Variants in CACNG4 observed in about 807,000 individuals in gnomAD.
The protein encoded by CACNG4 is voltage-dependent calcium channel gamma-4 subunit.
Under a neutral mutation model 22.9 loss-of-function variants are expected in CACNG4, and 8 were observed. The observed-to-expected ratio is 0.35, with a 90% confidence interval of 0.21 to 0.63. The LOEUF (loss-of-function observed/expected upper bound fraction) is 0.63. Among genes scored for constraint, CACNG4 ranks in the 30% least tolerant of loss-of-function variants. The pLI, the probability that CACNG4 is intolerant of heterozygous loss-of-function variation, is 0.72. For synonymous variants in CACNG4, 188 were observed against 191.9 expected, an observed-to-expected ratio of 0.98 and a Z score of 0.17; for missense variants, 357 against 455.4, an observed-to-expected ratio of 0.78 and a Z score of 1.97.
chr17:66,988,722 TG>T (rs1300862918), intron 1 of CACNG4, among the ~76,000 whole-genome samples: 1 of 152,018 alleles, frequency 6.6e-6, no homozygotes, highest in African/African-American at 2.4e-5. Context: ...AATTTCTTGG[TG>T]GGGGCTTCCC....
intron 1 of CACNG4, among the ~76,000 whole-genome samples, chr17:66,982,378 C>G (rs1328287559): frequency 6.6e-6 from 1 of 152,020 alleles, no homozygotes; most frequent in Admixed American, 6.5e-5. Context: ...CTCTAGCTAG[C>G]CACAGAGTGC....
chr17:66,970,868 T>G (rs903941212), intron 1 of CACNG4, among the ~76,000 whole-genome samples: 2 of 152,202 alleles, frequency 1.3e-5, no homozygotes, highest in African/African-American at 2.4e-5. Flanking sequence ...GAAGAGGCCC[T>G]TCAAAAAGTC....
chr17:66,977,016 G>GGGA (rs2035241982), intron 1 of CACNG4, among the ~76,000 whole-genome samples: 1 of 152,064 alleles, frequency 6.6e-6, no homozygotes, highest in Admixed American at 6.5e-5. Flanking sequence ...AGTATCCCTC[G>GGGA]GGGTTCCTTT....
chr17:66,998,899 G>A (rs2035390796), intron 1 of CACNG4, among the ~76,000 whole-genome samples: 1 of 152,252 alleles, frequency 6.6e-6, no homozygotes, highest in Non-Finnish European at 1.5e-5. Flanking sequence ...ATGCTCCTGA[G>A]ATGGTCCGGG....
intron 1 of CACNG4, among the ~76,000 whole-genome samples, chr17:66,971,338 A>T (rs1023524223): frequency 6.6e-6 from 1 of 150,956 alleles, no homozygotes; most frequent in East Asian, 1.9e-4. Flanking sequence ...TAGTTCAGTG[A>T]CTTTTGACCC....
intron 3 of CACNG4, among the ~76,000 whole-genome samples, chr17:67,028,396 A>G (rs908339787): frequency 5.3e-5 from 8 of 152,132 alleles, no homozygotes; most frequent in African/African-American, 1.9e-4. Context: ...TACTAAAAAT[A>G]CAAAGAATTA....
chr17:66,994,007 T>G (rs565205275), intron 1 of CACNG4, among the ~76,000 whole-genome samples: 1 of 145,830 alleles, frequency 6.9e-6, no homozygotes, highest in Admixed American at 6.7e-5. Context: ...GTTGTAACCC[T>G]CAAATATACA....
At chr17:66,978,417 C>T (rs77367603) in intron 1 of CACNG4, among the ~76,000 whole-genome samples, 473 of 152,256 alleles carry the variant, frequency 3.1e-3, no homozygotes, top group Non-Finnish European at 5.8e-3. Flanking sequence ...GAAGATGGGT[C>T]TCAGAGGAAG....
intron 1 of CACNG4, among the ~76,000 whole-genome samples, chr17:67,011,427 G>C (rs1349072979): frequency 6.6e-6 from 1 of 152,142 alleles, no homozygotes; most frequent in Non-Finnish European, 1.5e-5. Context: ...ACACGCCTCA[G>C]ACCCCTTCCC....
chr17:66,996,250 T>A (rs1243763366), intron 1 of CACNG4, among the ~76,000 whole-genome samples: 1 of 134,340 alleles, frequency 7.4e-6, no homozygotes, highest in Non-Finnish European at 1.5e-5. Context: ...GAAGGCAGAG[T>A]GGATTTTTTT....
At chr17:67,002,650 C>CTCTCTCTCTCTCTCTCTCTCT (rs1555578537) in intron 1 of CACNG4, among the ~76,000 whole-genome samples, 1 of 151,508 alleles carries the variant, frequency 6.6e-6, no homozygotes, top group South Asian at 2.1e-4. Context: ...CTCTCTCCAT[C>CTCTCTCTCTCTCTCTCTCTCT]CTCAAATAGA....
Position 66,988,361 on chromosome 17 carries a change from C to T in CACNG4, c.220+23230C>T, listed in dbSNP as rs77789323. Among the ~76,000 whole-genome samples, 1,482 of 152,268 alleles carry T rather than the reference C, an allele frequency of 9.7e-3. 14 individuals are homozygous for T. The highest frequency in any genetic ancestry group is 0.033 in the African/African-American group (1,365 of 41,546). ...TGCATGTATCTCATCTCCAAACAGC[C>T]GCCGGCAAGCAGGAGAGGAAAAGGC... On this transcript the variant is annotated intron_variant, in intron 1 of 3. Transcript: ENST00000262138.
chr17:66,993,314 T>C (rs901215470), intron 1 of CACNG4, among the ~76,000 whole-genome samples: 1 of 152,088 alleles, frequency 6.6e-6, no homozygotes, highest in Non-Finnish European at 1.5e-5. Flanking sequence ...AGTGGCTGGG[T>C]AGGCAGGGCC....
At chr17:67,024,087 G>T (rs756925713) in intron 2 of CACNG4, among the ~76,000 whole-genome samples, 1 of 152,162 alleles carries the variant, frequency 6.6e-6, no homozygotes, top group Non-Finnish European at 1.5e-5. Context: ...TGGTGTCAGG[G>T]CTACAAAGTT....
chr17:67,005,183 C>T (rs1270636579), intron 1 of CACNG4, among the ~76,000 whole-genome samples: 1 of 152,224 alleles, frequency 6.6e-6, no homozygotes, highest in Non-Finnish European at 1.5e-5. Context: ...GTCCCTTAGT[C>T]CATGGGTCTC....
intron 1 of CACNG4, among the ~76,000 whole-genome samples, chr17:66,985,538 G>A (rs1429363969): frequency 6.6e-6 from 1 of 152,158 alleles, no homozygotes; most frequent in Non-Finnish European, 1.5e-5. Context: ...AGTCCCGGGG[G>A]GCTTCCCAGA....
At position 67,030,589 on chromosome 17, in the gene CACNG4, T is replaced by G; in HGVS notation, c.569T>G (p.Leu190Arg). 1 of 1,614,264 alleles carries G rather than the reference T, an allele frequency of 6.2e-7. No individual in the cohort carries two copies. The highest frequency in any genetic ancestry group is 8.5e-7 in the Non-Finnish European group (1 of 1,180,050). Residue 190 changes from leucine (L) to arginine (R), a missense_variant, in exon 4 of 4, where the codon CTG becomes CGG. Leu to Arg is a moderately radical substitution (Grantham distance 102). Around this residue, in one of 3 missense-constraint regions of CACNG4, gnomAD observed 240 missense variants for 277.6 expected, o/e 0.86. Coordinates refer to ENST00000262138, the MANE Select transcript of CACNG4 (RefSeq NM_014405.4). This position sits in a 1 kb window ranked among gnomAD's most constrained non-coding sequence, Gnocchi z 6.4. ...GGCTGGTCTTTTTACTTTGGAGCTC[T>G]GTCTTTCATTGTGGCTGAGACCGTG... The part of the protein sequence containing the change: ...NYGWSFYFGA[L>R]SFIVAETVGV...
At chr17:66,974,878 C>G (rs1026342379) in intron 1 of CACNG4, among the ~76,000 whole-genome samples, 1 of 152,032 alleles carries the variant, frequency 6.6e-6, no homozygotes, top group Admixed American at 6.5e-5. Flanking sequence ...TGGAAGCCGC[C>G]GCATCAGATG....
At position 67,024,997 on chromosome 17, in the gene CACNG4, G is replaced by A; in HGVS notation, c.442G>A (p.Ala148Thr). 6.3e-7 allele frequency: 1 copy of A among 1,589,986 alleles called. No individual in the cohort carries two copies. The highest frequency in any genetic ancestry group is 8.5e-7 in the Non-Finnish European group (1 of 1,170,726). ...CAGTGCCGGCATCCTCTTCGTGGCT[G>A]CAGGTGAGCCGCCCGCCCGGGCTGG... ...VLSAGILFVA[A>T]GLSNIIGIIV... Residue 148 changes from alanine to threonine, a missense_variant, in exon 3 of 4, where the codon GCA becomes ACA. Physicochemically the swap from Ala to Thr is moderately conservative, Grantham distance 58. Around this residue, in one of 3 missense-constraint regions of CACNG4, gnomAD observed 240 missense variants for 277.6 expected, o/e 0.86. Coordinates refer to ENST00000262138, the MANE Select transcript of CACNG4 (RefSeq NM_014405.4).
Sources: gnomAD v4.1 joint callset for allele counts (sites outside exome capture counted in the v4.1 genomes callset) on GRCh38, gnomAD v4.1.1 for gene constraint, gnomAD v4.1.1 regional missense constraint, Gnocchi (gnomAD v3.1) non-coding constraint, MANE v1.5 for transcripts, NCBI Gene and HGNC (gene_info 2026-07-23, HGNC 2026-07-21) for gene names.